CDH12: variants seen among roughly 807,000 people sequenced by gnomAD.
The protein encoded by CDH12 is cadherin-12.
CDH12 carries 41 observed loss-of-function variants against 74.1 expected under a neutral mutation model. The ratio of observed to expected loss-of-function variants is 0.55; its 90% CI spans 0.43 to 0.72. The LOEUF (loss-of-function observed/expected upper bound fraction) is 0.72. CDH12 is among the 30% of genes least tolerant of loss of function. The probability of loss-of-function intolerance (pLI) is 0.00; values close to 1 mark genes in which losing one functional copy is unlikely to be tolerated. For missense variants in CDH12, 945 were observed against 977.2 expected (o/e 0.97, Z 0.44); for synonymous variants, 399 against 355.0 (o/e 1.12, Z -1.39).
At chr5:22,723,645 T>C (rs1203738984) in intron 1 of CDH12, among the ~76,000 whole-genome samples, 1 of 152,096 alleles carries the variant, frequency 6.6e-6, no homozygotes, top group African/African-American at 2.4e-5. Flanking sequence ...CTTCATAACC[T>C]TTAGTGTTGA....
At chr5:21,886,495 A>G (rs1752637488) in intron 6 of CDH12, among the ~76,000 whole-genome samples, 1 of 147,346 alleles carries the variant, frequency 6.8e-6, no homozygotes, top group Non-Finnish European at 1.5e-5. Context: ...GTAAAGAAAT[A>G]GAACAAAACC....
At chr5:22,101,052 A>G (rs920016473) in intron 4 of CDH12, among the ~76,000 whole-genome samples, 3 of 152,146 alleles carry the variant, frequency 2.0e-5, no homozygotes, top group African/African-American at 7.2e-5. Flanking sequence ...TATTTTTATT[A>G]CAAAAACCAG....
chr5:22,474,570 A>G (rs1201451738), intron 2 of CDH12, among the ~76,000 whole-genome samples: 3 of 152,134 alleles, frequency 2.0e-5, no homozygotes, highest in South Asian at 2.1e-4. Context: ...AAGGGAATTA[A>G]TCTGGTAGAG....
At chr5:22,736,617 T>C (rs146674641) in intron 1 of CDH12, among the ~76,000 whole-genome samples, 7 of 151,970 alleles carry the variant, frequency 4.6e-5, no homozygotes, top group African/African-American at 1.4e-4. Context: ...AAAAATGCTA[T>C]GAATATTTTT....
chr5:22,191,619 C>CG (rs1750298989), intron 4 of CDH12, among the ~76,000 whole-genome samples: 1 of 67,198 alleles, frequency 1.5e-5, no homozygotes, highest in Non-Finnish European at 2.8e-5. Flanking sequence ...GGCTGGAGTG[C>CG]AGTGGCGGGA....
intron 1 of CDH12, among the ~76,000 whole-genome samples, chr5:22,507,275 T>C (rs1736428740): frequency 2.0e-5 from 3 of 152,152 alleles, no homozygotes; most frequent in African/African-American, 7.2e-5. Flanking sequence ...CCTATTACTA[T>C]GACCATGTTT....
chr5:21,927,757 G>C (rs916063795), intron 6 of CDH12, among the ~76,000 whole-genome samples: 1 of 151,884 alleles, frequency 6.6e-6, no homozygotes, highest in Non-Finnish European at 1.5e-5. Context: ...TCAGAGTCTG[G>C]TTATTGGTAG....
rs865895410 is a variant in CDH12 at position 22,568,036 on chromosome 5, G to A, written c.-522-62672C>T. Among the ~76,000 whole-genome samples, 4 of 152,244 alleles carry A rather than the reference G, an allele frequency of 2.6e-5. No individual in the cohort carries two copies. The South Asian group carries it at 8.3e-4, about 31-fold the overall frequency. On this transcript the variant is annotated intron_variant, in intron 1 of 14. Transcript: ENST00000382254. ...ATTTAGCAAGATATTTGATTTCTAT[G>A]TAATTTAATATGTAATTGTTAAACA...
intron 4 of CDH12, among the ~76,000 whole-genome samples, chr5:22,183,677 G>A (rs954056004): frequency 1.3e-5 from 2 of 152,032 alleles, no homozygotes; most frequent in Non-Finnish European, 2.9e-5. Context: ...AGAAGGAAGG[G>A]GCAACTGTAG....
intron 1 of CDH12, among the ~76,000 whole-genome samples, chr5:22,794,923 A>G (rs1014248722): frequency 2.0e-5 from 3 of 152,100 alleles, no homozygotes; most frequent in Non-Finnish European, 4.4e-5. Context: ...GATGGAGATG[A>G]TGTTTTGATG....
At chr5:22,356,509 T>G (rs907207468) in intron 3 of CDH12, among the ~76,000 whole-genome samples, 2 of 152,106 alleles carry the variant, frequency 1.3e-5, no homozygotes, top group Non-Finnish European at 2.9e-5. Flanking sequence ...GTACTTCAGG[T>G]GGGCCTCCAC....
intron 3 of CDH12, among the ~76,000 whole-genome samples, chr5:22,228,141 C>A (rs1451236290): frequency 6.6e-6 from 1 of 151,922 alleles, no homozygotes; most frequent in African/African-American, 2.4e-5. Flanking sequence ...GAGCTAATTT[C>A]AGTAAGGCAT....
At chr5:22,327,765 C>T (rs1429464172) in intron 3 of CDH12, among the ~76,000 whole-genome samples, 5 of 152,060 alleles carry the variant, frequency 3.3e-5, no homozygotes, top group African/African-American at 4.8e-5. Flanking sequence ...GGACCACTTC[C>T]CTCTCTCTAG....
chr5:22,352,512 C>T (rs186157050), intron 3 of CDH12, among the ~76,000 whole-genome samples: 2 of 152,250 alleles, frequency 1.3e-5, no homozygotes, highest in South Asian at 2.1e-4. Flanking sequence ...AGCCTGCTGA[C>T]TTGCTGAGTT....
intron 7 of CDH12, among the ~76,000 whole-genome samples, chr5:21,843,660 A>G (rs1015805334): frequency 6.6e-6 from 1 of 152,002 alleles, no homozygotes; most frequent in Non-Finnish European, 1.5e-5. Context: ...GATTACAGGC[A>G]TGCGCCACCA....
chr5:22,259,396 A>G (rs1201432009), intron 3 of CDH12, among the ~76,000 whole-genome samples: 2 of 152,104 alleles, frequency 1.3e-5, no homozygotes, highest in Non-Finnish European at 2.9e-5. Context: ...GGCCTAATTC[A>G]CGGAATTATA....
intron 4 of CDH12, among the ~76,000 whole-genome samples, chr5:22,168,155 G>A (rs1416144039): frequency 6.6e-6 from 1 of 152,046 alleles, no homozygotes; most frequent in Non-Finnish European, 1.5e-5. Context: ...TGTCCTAGCT[G>A]AGCATGCCTC....
rs1049348858 is a variant in CDH12 at position 22,572,181 on chromosome 5, C to A, written c.-522-66817G>T. 2.0e-5 allele frequency among the ~76,000 whole-genome samples: 3 copies of A among 152,156 alleles called. No homozygotes were observed. In the South Asian group the frequency reaches 6.2e-4, roughly 32 times the overall value. On this transcript the variant is annotated intron_variant, in intron 1 of 14. Transcript: ENST00000382254. ...CAAAAAAAAGTTATATGAGATCTTA[C>A]CTTGCCCTAAGATTTCAACTAACTG...
chr5:22,475,641 T>C (rs1011715709), intron 2 of CDH12, among the ~76,000 whole-genome samples: 1 of 152,018 alleles, frequency 6.6e-6, no homozygotes, highest in African/African-American at 2.4e-5. Flanking sequence ...TATCCTATAA[T>C]GCAAAATCAC....
Sources: allele counts gnomAD v4.1 joint callset (sites outside exome capture counted in the v4.1 genomes callset), GRCh38; gene constraint gnomAD v4.1.1; transcripts MANE v1.5; gene names NCBI Gene and HGNC (gene_info 2026-07-23, HGNC 2026-07-21).